CDCA2: variants seen among roughly 807,000 people sequenced by gnomAD.
The protein encoded by CDCA2 is cell division cycle associated 2.
In CDCA2, 44 loss-of-function variants were observed where a neutral mutation model predicts 67.0. That is an observed-to-expected ratio of 0.66 (90% confidence interval 0.52 to 0.84). The LOEUF is 0.84. Ranked by LOEUF, CDCA2 falls within the 40% of genes least tolerant of loss-of-function variation. The pLI is 0.00. For synonymous variants in CDCA2, 447 were observed against 418.7 expected, an observed-to-expected ratio of 1.07 and a Z score of -0.82; for missense variants, 1,253 against 1,203.2, an observed-to-expected ratio of 1.04 and a Z score of -0.61.
At chr8:25,493,483 AAATTT>A (rs1804092054) in intron 13 of CDCA2, among the ~76,000 whole-genome samples, 1 of 152,226 alleles carries the variant, frequency 6.6e-6, no homozygotes, top group Non-Finnish European at 1.5e-5. Context: ...CCCCATAAGA[AAATTT>A]AAAAGACAAA....
chr8:25,462,293 T>C, intron 4 of CDCA2, 85 bp downstream of exon 4: 1 of 1,408,358 alleles, frequency 7.1e-7, no homozygotes, highest in Non-Finnish European at 9.9e-7. Flanking sequence ...ATCTGCTCTG[T>C]TTCAAATCTG....
In CDCA2 at chr8:25,475,426, G is replaced by A. The variant is rs1417495807; in HGVS notation, c.821-4487G>A. Among the ~76,000 whole-genome samples the A allele has an allele frequency of 2.0e-5, 3 of 152,210 alleles. No homozygotes were observed. In the East Asian group the frequency reaches 5.8e-4, roughly 29 times the overall value. On this transcript the variant is annotated intron_variant, in intron 7 of 14. Transcript: ENST00000330560. The stretch of plus-strand genomic sequence containing the variant: ...CCCAGCTACTCAGGAGGCTGAGGCA[G>A]GAGAATTGCTTGAACCCAGGAGGCG...
At chr8:25,494,569 G>T (rs1465361300) in intron 13 of CDCA2, among the ~76,000 whole-genome samples, 1 of 152,060 alleles carries the variant, frequency 6.6e-6, no homozygotes, top group African/African-American at 2.4e-5. Context: ...GTATCCACAG[G>T]AGGTCCTGGA....
In CDCA2 at chr8:25,488,641, G is replaced by A. The variant is rs1228077319; in HGVS notation, c.1623G>A (p.Lys541=). The A allele has an allele frequency of 6.2e-7, 1 of 1,612,760 alleles. No homozygotes were observed. Among genetic ancestry groups the A allele is most frequent in the Admixed American group, 1.7e-5 (1 of 59,842 alleles). Reference sequence around the variant, plus strand: ...AAGAAAAGAAAATTAATAGGAGGAAGTCTCAAGAAACAAAGTGTACAAAGA... The same window carrying A: ...AAGAAAAGAAAATTAATAGGAGGAAATCTCAAGAAACAAAGTGTACAAAGA... ...PCKEKKINRR[K]SQETKCTKRA... is the part of the protein sequence containing the mutation. The change falls in exon 13 of 15, where the codon AAG becomes AAA. Residue 541 remains lysine, a synonymous_variant. Coordinates refer to ENST00000330560, the MANE Select transcript of CDCA2 (RefSeq NM_152562.4).
chr8:25,507,766 A>G lies in CDCA2; in HGVS notation c.*28A>G, dbSNP rs2117562979. On this transcript the variant is annotated 3_prime_UTR_variant, in exon 15 of 15. Coordinates refer to ENST00000330560, the MANE Select transcript of CDCA2 (RefSeq NM_152562.4). ...GACATTTCCTGCAGAGTCTGTGGCA[A>G]GAGGGAAAGTAACCATCTATGCTGA... 1.3e-6 allele frequency: 2 copies of G among 1,579,226 alleles called. No homozygotes were observed. Among genetic ancestry groups the G allele is most frequent in the Middle Eastern group, 1.7e-4 (1 of 5,798 alleles).
intron 13 of CDCA2, among the ~76,000 whole-genome samples, chr8:25,496,764 G>A (rs1220493122): frequency 6.6e-6 from 1 of 152,124 alleles, no homozygotes; most frequent in East Asian, 1.9e-4. Flanking sequence ...TGTTGGAGAG[G>A]ATATGGAGAA....
At chr8:25,489,478 C>A (rs930570787) in intron 13 of CDCA2, among the ~76,000 whole-genome samples, 5 of 152,174 alleles carry the variant, frequency 3.3e-5, no homozygotes, top group African/African-American at 1.2e-4. Flanking sequence ...CCTTCCACCT[C>A]ATCCATCCAG....
chr8:25,469,860 T>A lies in CDCA2; in HGVS notation c.736-36T>A, dbSNP rs574458102. 2.9e-6 allele frequency: 4 copies of A among 1,367,686 alleles called. No individual in the cohort carries two copies. The African/African-American group carries it at 5.7e-5, about 20-fold the overall frequency. The allele number at this position is 1,367,686 out of a possible 1,614,324, so 84.7% of individuals were successfully genotyped here. A position where few individuals can be genotyped will look rare whatever the true frequency, so the allele number is the denominator to read the frequency against. On this transcript the variant is annotated intron_variant, in intron 6 of 14. Coordinates refer to ENST00000330560, the MANE Select transcript of CDCA2 (RefSeq NM_152562.4). Reference sequence around the variant, plus strand: ...AAAAAGGCATTAGTAGTACTCTAATTAATAAAATGTAATACTCTTTCAATT... The same window carrying A: ...AAAAAGGCATTAGTAGTACTCTAATAAATAAAATGTAATACTCTTTCAATT...
At chr8:25,493,626 C>T (rs1410780531) in intron 13 of CDCA2, among the ~76,000 whole-genome samples, 1 of 152,162 alleles carries the variant, frequency 6.6e-6, no homozygotes, top group Non-Finnish European at 1.5e-5. Flanking sequence ...ATTTACAAAA[C>T]TGAAATGAAA....
chr8:25,492,342 A>C (rs1305723411), intron 13 of CDCA2, among the ~76,000 whole-genome samples: 2 of 152,206 alleles, frequency 1.3e-5, no homozygotes, highest in Non-Finnish European at 2.9e-5. Flanking sequence ...CGGATCTAAC[A>C]ATACAAGAGC....
chr8:25,462,854 T>C (rs1802754654), intron 4 of CDCA2, among the ~76,000 whole-genome samples: 1 of 151,890 alleles, frequency 6.6e-6, no homozygotes, highest in South Asian at 2.1e-4. Context: ...TTATAAAAAT[T>C]TTTTTTTGTA....
chr8:25,467,041 CAAAAAAAAAAAAAAAA>C (rs59618544), intron 5 of CDCA2, among the ~76,000 whole-genome samples: 20 of 49,176 alleles, frequency 4.1e-4, no homozygotes, highest in Admixed American at 1.4e-3. Flanking sequence ...GAGTCCCTTT[CAAAAAAAAAAAAAAAA>C]AAAAAAAAAC....
At chr8:25,464,707 G>T (rs1802831090) in intron 4 of CDCA2, among the ~76,000 whole-genome samples, 1 of 152,128 alleles carries the variant, frequency 6.6e-6, no homozygotes, top group African/African-American at 2.4e-5. Flanking sequence ...AAATATGTGT[G>T]CAAAAAAAGC....
intron 7 of CDCA2, among the ~76,000 whole-genome samples, chr8:25,475,379 CG>C (rs1189832261): frequency 6.6e-6 from 1 of 152,026 alleles, no homozygotes; most frequent in Non-Finnish European, 1.5e-5. Context: ...ATTAGCCAGG[CG>C]TGGTGGCACC....
Position 25,460,666 on chromosome 8 carries a change from C to T in CDCA2, c.232+112C>T, listed in dbSNP as rs2117471113. 6.3e-6 allele frequency: 7 copies of T among 1,119,498 alleles called. No individual in the cohort carries two copies. In the South Asian group the frequency reaches 1.1e-4, roughly 18 times the overall value. 69.3% of individuals were successfully genotyped at this position (1,119,498 alleles called of 1,614,324 possible). A position where few individuals can be genotyped will look rare whatever the true frequency, so the allele number is the denominator to read the frequency against. On this transcript the variant is annotated intron_variant, in intron 3 of 14. Transcript: ENST00000330560. The stretch of plus-strand genomic sequence containing the variant: ...GTCATATTTTAGGTACCTAAATTGC[C>T]TACTCTGCAAACTTGCTTCTTCAGA...
At chr8:25,477,578 T>A (rs191469063) in intron 7 of CDCA2, among the ~76,000 whole-genome samples, 4 of 152,238 alleles carry the variant, frequency 2.6e-5, no homozygotes, top group Non-Finnish European at 5.9e-5. Context: ...CTGAAAAAAA[T>A]TTGTAATCTG....
intron 11 of CDCA2, among the ~76,000 whole-genome samples, chr8:25,486,335 C>T (rs1803774232): frequency 6.6e-6 from 1 of 152,158 alleles, no homozygotes; most frequent in Admixed American, 6.5e-5. Flanking sequence ...GGGCCAGGCA[C>T]CTTTATTCAG....
intron 6 of CDCA2, among the ~76,000 whole-genome samples, chr8:25,469,290 T>C (rs1008615275): frequency 3.3e-5 from 5 of 152,212 alleles, no homozygotes; most frequent in African/African-American, 9.6e-5. Context: ...CTCCAGTGGG[T>C]TTCCTTTGTA....
At chr8:25,500,981 A>T (rs575135084) in intron 13 of CDCA2, among the ~76,000 whole-genome samples, 1 of 152,202 alleles carries the variant, frequency 6.6e-6, no homozygotes, top group South Asian at 2.1e-4. Flanking sequence ...ATTTTTTGCA[A>T]CTTATCTGTG....
Sources: allele counts gnomAD v4.1 joint callset (sites outside exome capture counted in the v4.1 genomes callset), GRCh38; gene constraint gnomAD v4.1.1; transcripts MANE v1.5; gene names NCBI Gene and HGNC (gene_info 2026-07-23, HGNC 2026-07-21).